The following MYO1F variants were observed in gnomAD, a reference collection of about 807,000 sequenced individuals.
MYO1F encodes myosin IF.
A neutral mutation model predicts 146.6 loss-of-function variants in MYO1F; 60 were observed. The observed-to-expected ratio is 0.41, with a 90% CI of 0.33 to 0.51. The LOEUF is 0.51. Ranked by LOEUF, MYO1F falls within the 20% of genes least tolerant of loss-of-function variation. The pLI is 0.25. For synonymous variants in MYO1F, 602 were observed against 602.1 expected (o/e 1.00, Z 0.00); for missense variants, 1,274 against 1,534.3 (o/e 0.83, Z 2.83).
At chr19:8,537,498 A>G (rs1599938568) in intron 16 of MYO1F, among the ~76,000 whole-genome samples, 2 of 151,912 alleles carry the variant, frequency 1.3e-5, no homozygotes, top group Middle Eastern at 3.4e-3. Flanking sequence ...CTGGAGCGCA[A>G]TGGTGCCATC....
rs371296248 is a variant in MYO1F at position 8,535,131 on chromosome 19, C to T, written c.2043+1121G>A. On this transcript the variant is annotated intron_variant, in intron 19 of 27. Transcript: ENST00000644032. ...TTCACCATGTTGGCCAGGCTGGTCT[C>T]AAACTCCTGACCTCAAGTGATCCAT... Among the ~76,000 whole-genome samples the T allele has an allele frequency of 3.0e-4, 45 of 152,122 alleles. 2 individuals are homozygous for T. In the South Asian group the frequency reaches 8.7e-3, roughly 29 times the overall value.
In MYO1F at chr19:8,545,733, C is replaced by G; in HGVS notation, c.1273G>C (p.Glu425Gln). The change falls in exon 13 of 28, where the codon GAG becomes CAG. Residue 425 changes from glutamate (E) to glutamine (Q), a missense_variant. Transcript: ENST00000644032. ...CAGCGGATGCCTTCCTGCACATACT[C>G]CTCCTGGGGTGGAAAAGGGGGTGGA... ...IELTLKAEQEEYVQEGIRWTP... is the reference protein window; with the variant it reads ...IELTLKAEQEQYVQEGIRWTP... 6 of 1,613,660 alleles carry G rather than the reference C, an allele frequency of 3.7e-6. No homozygotes were observed. Among genetic ancestry groups the G allele is most frequent in the Non-Finnish European group, 5.1e-6 (6 of 1,179,624 alleles).
At chr19:8,569,706 C>A (rs2042074068) in intron 1 of MYO1F, among the ~76,000 whole-genome samples, 1 of 152,110 alleles carries the variant, frequency 6.6e-6, no homozygotes, top group Admixed American at 6.6e-5. Context: ...GCACGTCTTG[C>A]AACATGAACT....
chr19:8,541,890 G>A lies in MYO1F; in HGVS notation c.1610+16C>T, dbSNP rs747404703. The stretch of plus-strand genomic sequence containing the variant: ...GGGGGTTGTAGCCGGAGGTCCCCAT[G>A]CCTGGGACCACTCACTGCTCACTGG... On this transcript the variant is annotated intron_variant, in intron 15 of 27. Transcript: ENST00000644032. 1.2e-6 allele frequency: 2 copies of A among 1,607,458 alleles called. No homozygotes were observed.
intron 19 of MYO1F, among the ~76,000 whole-genome samples, chr19:8,531,024 A>G (rs1246695189): frequency 6.6e-6 from 1 of 151,906 alleles, no homozygotes; most frequent in Admixed American, 6.6e-5. Flanking sequence ...AGCCTGGACA[A>G]CAAGAGTGAA....
rs1368602743 is a variant in MYO1F, at chr19:8,526,580, C to T, written c.2643G>A (p.Lys881=). 1.3e-6 allele frequency: 2 copies of T among 1,597,632 alleles called. No individual in the cohort carries two copies. Residue 881 remains lysine (K), a synonymous_variant, in exon 24 of 28, where the codon AAG becomes AAA. Transcript: ENST00000644032. ...GGGTGCCGCCACCGCCCCAGCCCTC[C>T]TTCTTCACCCGAAACTGTAGTCTAT... ...FSDTLQFRVK[K]EGWGGGGTRS... is the part of the protein sequence containing the mutation.
intron 1 of MYO1F, among the ~76,000 whole-genome samples, chr19:8,558,252 C>A (rs1973938675): frequency 6.6e-6 from 1 of 152,080 alleles, no homozygotes. Context: ...TAGCCCTGAC[C>A]TTCTGGGCTC....
intron 4 of MYO1F, 104 bp downstream of exon 4, chr19:8,554,373 G>A: frequency 1.1e-6 from 1 of 911,356 alleles, no homozygotes; most frequent in Non-Finnish European, 1.8e-6. Context: ...GGGACAGCAG[G>A]GCAATGTTCA....
At chr19:8,543,843 GTGGTGGTGGTGGTGC>G (rs1973156707) in intron 14 of MYO1F, among the ~76,000 whole-genome samples, 1 of 49,904 alleles carries the variant, frequency 2.0e-5, no homozygotes, top group Non-Finnish European at 3.7e-5. Flanking sequence ...GGTGGTGGTG[GTGGTGGTGGTGGTGC>G]TGGTGGTGCT....
chr19:8,564,532 A>G (rs558717291), intron 1 of MYO1F, among the ~76,000 whole-genome samples: 156 of 152,002 alleles, frequency 1.0e-3, no homozygotes, highest in Non-Finnish European at 1.8e-3. Flanking sequence ...CTGCCAGGGA[A>G]GTCAGAGGCA....
chr19:8,526,345 A>G, intron 24 of MYO1F, 108 bp downstream of exon 24: 13 of 1,453,762 alleles, frequency 8.9e-6, no homozygotes, highest in Non-Finnish European at 1.2e-5. Flanking sequence ...CACAAAACTC[A>G]AAAGTCTCTC....
chr19:8,572,002 C>A (rs186571556), intron 1 of MYO1F, among the ~76,000 whole-genome samples: 1 of 151,896 alleles, frequency 6.6e-6, no homozygotes, highest in Admixed American at 6.6e-5. Flanking sequence ...GGATTACAGG[C>A]GTAAGCCACC....
intron 19 of MYO1F, among the ~76,000 whole-genome samples, chr19:8,533,910 C>T (rs192890343): frequency 1.1e-4 from 17 of 152,110 alleles, no homozygotes; most frequent in African/African-American, 9.6e-5. Flanking sequence ...AGGGGCCGGG[C>T]GCGGTGGCTC....
In MYO1F at chr19:8,544,000, T is replaced by TGGCGGTGGC. The variant is rs1973207563; in HGVS notation, c.1524+296_1524+297insGCCACCGCC. On this transcript the variant is annotated intron_variant, in intron 14 of 27. Transcript: ENST00000644032. ...GTGCTGGTGCTGGTGGTGGTGCTGG[T>TGGCGGTGGC]GGTGGCGGTGGCGGTGGCGGTGGCG... 35 of 154,868 alleles carry TGGCGGTGGC rather than the reference T, an allele frequency of 2.3e-4. 2 individuals carry two copies. In the African/African-American group the frequency reaches 2.6e-3, roughly 12 times the overall value. The allele number at this position is 154,868 out of a possible 1,614,324, so 9.6% of individuals were successfully genotyped here.
chr19:8,527,454 G>C lies in MYO1F; in HGVS notation c.2358C>G (p.Pro786=), dbSNP rs754189832. The change falls in exon 22 of 28, where the codon CCC becomes CCG. Residue 786 remains proline (P), a synonymous_variant. Transcript: ENST00000644032. ...CTCGCCCAATCACATACACACACTT[G>C]GGCGTCAGGATCAAGTCCCGCTTGA... ...KPIKRDLILT[P]KCVYVIGREK... is the part of the protein sequence containing the mutation. The C allele has an allele frequency of 1.9e-6, 3 of 1,614,026 alleles. No individual in the cohort carries two copies. The highest frequency in any genetic ancestry group is 2.5e-6 in the Non-Finnish European group (3 of 1,180,004).
At chr19:8,539,910 T>C in intron 16 of MYO1F, 37 bp downstream of exon 16, 3 of 1,588,964 alleles carry the variant, frequency 1.9e-6, no homozygotes, top group Non-Finnish European at 2.6e-6. Flanking sequence ...CTCAGCCCTC[T>C]GCAGGCCCAG....
chr19:8,541,374 T>C (rs1972955249), intron 15 of MYO1F, among the ~76,000 whole-genome samples: 1 of 151,390 alleles, frequency 6.6e-6, no homozygotes, highest in Non-Finnish European at 1.5e-5. Context: ...GATCCCCGTC[T>C]TATTACTTTA....
At chr19:8,562,403 G>A (rs943646719) in intron 1 of MYO1F, among the ~76,000 whole-genome samples, 15 of 152,206 alleles carry the variant, frequency 9.9e-5, no homozygotes, top group African/African-American at 2.6e-4. Context: ...GAACTCCTGG[G>A]CCCAAGCAAT....
intron 6 of MYO1F, among the ~76,000 whole-genome samples, chr19:8,552,585 T>C (rs1973659968): frequency 6.6e-6 from 1 of 152,054 alleles, no homozygotes; most frequent in African/African-American, 2.4e-5. Context: ...TGGAATTTAT[T>C]AAACCATGTC....
Sources: allele counts gnomAD v4.1 joint callset (sites outside exome capture counted in the v4.1 genomes callset), GRCh38; gene constraint gnomAD v4.1.1; transcripts MANE v1.5; gene names NCBI Gene and HGNC (gene_info 2026-07-23, HGNC 2026-07-21).